The following GDPD5 variants were observed in gnomAD, a reference collection of about 807,000 sequenced individuals.
The protein encoded by GDPD5 is glycerophosphodiester phosphodiesterase 2.
Under a neutral mutation model 75.1 loss-of-function variants are expected in GDPD5, and 48 were observed. That is an observed-to-expected ratio of 0.64 (90% CI 0.51 to 0.81). The LOEUF (loss-of-function observed/expected upper bound fraction) is 0.81, where lower values mean the gene tolerates loss of function less well. Among genes scored for constraint, GDPD5 ranks in the 40% least tolerant of loss-of-function variants. GDPD5 has a pLI of 0.00. For synonymous variants in GDPD5, 336 were observed against 339.0 expected (o/e 0.99, Z 0.10); for missense variants, 706 against 822.6 (o/e 0.86, Z 1.73).
Position 75,462,887 on chromosome 11 carries a change from C to G in GDPD5, c.120G>C (p.Trp40Cys). 6.2e-7 allele frequency: 1 copy of G among 1,613,326 alleles called. No homozygotes were observed. ...TGAGGAGCAGGAACCAGAGGCGCTC[C>G]CACTGGAAGAGCAGAGGAGGAGGGG... ...YQRSHDDTTP[W>C]ERLWFLLLTF... The change falls in exon 4 of 17, where the codon TGG becomes TGC. Residue 40 changes from tryptophan (W) to cysteine (C), a missense_variant and splice_region_variant. Transcript: ENST00000336898.
chr11:75,493,028 C>A (rs550438325), intron 1 of GDPD5, among the ~76,000 whole-genome samples: 81 of 152,212 alleles, frequency 5.3e-4, no homozygotes, highest in African/African-American at 1.9e-3. Flanking sequence ...CTGCACCTTG[C>A]AAATATAGGG....
chr11:75,513,823 AC>A (rs1950581387), intron 1 of GDPD5, among the ~76,000 whole-genome samples: 1 of 152,118 alleles, frequency 6.6e-6, no homozygotes, highest in Non-Finnish European at 1.5e-5. Flanking sequence ...AGACCAGGAG[AC>A]CACCTGGCTA....
At chr11:75,469,710 C>T (rs867702575) in intron 3 of GDPD5, among the ~76,000 whole-genome samples, 2 of 152,144 alleles carry the variant, frequency 1.3e-5, no homozygotes, top group Non-Finnish European at 2.9e-5. Flanking sequence ...GGTGATACTT[C>T]GATCTAAAGA....
At chr11:75,498,680 T>C (rs976928831) in intron 1 of GDPD5, among the ~76,000 whole-genome samples, 4 of 152,142 alleles carry the variant, frequency 2.6e-5, no homozygotes, top group Non-Finnish European at 5.9e-5. Flanking sequence ...CTCTAGAAGC[T>C]GACAGAGAAA....
chr11:75,437,204 G>T, intron 15 of GDPD5, 156 bp from the exon 16 acceptor site: 1 of 604,702 alleles, frequency 1.7e-6, no homozygotes, highest in Non-Finnish European at 2.9e-6. Flanking sequence ...AGAGGGCAGA[G>T]TTGGGGCTTG....
At chr11:75,450,378 G>T in intron 6 of GDPD5, 1 of 255,554 alleles carries the variant, frequency 3.9e-6, no homozygotes, top group Non-Finnish European at 7.6e-6. Context: ...TGGCACAGCA[G>T]AGGAGGAAAC....
At chr11:75,444,306 T>G in intron 10 of GDPD5, 107 bp downstream of exon 10, 2 of 794,894 alleles carry the variant, frequency 2.5e-6, no homozygotes, top group Admixed American at 3.6e-5. Flanking sequence ...GTCTTCCTCC[T>G]CCCATCTCAG....
chr11:75,499,973 T>C (rs1230147023), intron 1 of GDPD5, among the ~76,000 whole-genome samples: 1 of 152,094 alleles, frequency 6.6e-6, no homozygotes, highest in Non-Finnish European at 1.5e-5. Flanking sequence ...CACCCCAGGG[T>C]GGCTGCTACC....
chr11:75,448,774 AT>A, intron 9 of GDPD5: 1 of 1,212,046 alleles, frequency 8.3e-7, no homozygotes, highest in Non-Finnish European at 1.1e-6. Flanking sequence ...CAAAACTGAA[AT>A]CTTTTTAGCA....
At position 75,457,897 on chromosome 11, in the gene GDPD5, G is replaced by A. The variant is rs1051053068; in HGVS notation, c.222-111C>T. ...GACGACAGGCTGGGCTCAGTGACCA[G>A]GCTGTGCCCACCTAGCAATAAGGCT... is the stretch of plus-strand genomic sequence containing the variant. On this transcript the variant is annotated intron_variant, in intron 4 of 16. Coordinates refer to ENST00000336898, the MANE Select transcript of GDPD5 (RefSeq NM_030792.8). 6.6e-6 allele frequency: 5 copies of A among 758,788 alleles called. No homozygotes were observed. The African/African-American group carries it at 8.7e-5, about 13-fold the overall frequency. The allele number at this position is 758,788 out of a possible 1,614,324, so 47.0% of individuals were successfully genotyped here.
At chr11:75,519,654 T>C (rs757328824) in intron 1 of GDPD5, among the ~76,000 whole-genome samples, 4 of 152,168 alleles carry the variant, frequency 2.6e-5, no homozygotes, top group Admixed American at 2.0e-4. Flanking sequence ...CCATTTTACA[T>C]ATGGGGAAAC....
intron 1 of GDPD5, among the ~76,000 whole-genome samples, chr11:75,497,811 T>G (rs1044747764): frequency 6.6e-6 from 1 of 152,202 alleles, no homozygotes; most frequent in Admixed American, 6.5e-5. Flanking sequence ...AAGAGTAAGA[T>G]GCTCACTTAA....
At chr11:75,519,869 G>T (rs961016361) in intron 1 of GDPD5, among the ~76,000 whole-genome samples, 12 of 152,226 alleles carry the variant, frequency 7.9e-5, no homozygotes, top group African/African-American at 2.9e-4. Flanking sequence ...TTGGATGTGT[G>T]TGTGAGCAGC....
At chr11:75,479,378 A>G (rs1949853173) in intron 2 of GDPD5, 1 of 152,152 alleles carries the variant, frequency 6.6e-6, no homozygotes, top group Non-Finnish European at 1.5e-5. Context: ...GAGGCCCTGG[A>G]GACAATGTGA....
At position 75,441,760 on chromosome 11, in the gene GDPD5, A is replaced by C. The variant is rs749595794; in HGVS notation, c.1211T>G (p.Val404Gly). The C allele has an allele frequency of 1.9e-6, 3 of 1,610,744 alleles. No individual in the cohort carries two copies. The highest frequency in any genetic ancestry group is 8.5e-7 in the Non-Finnish European group (1 of 1,179,788). The change falls in exon 13 of 17, where the codon GTG (valine) becomes GGG (glycine). Residue 404 changes from valine (V) to glycine (G), a missense_variant. By Grantham distance (109) the Val-to-Gly change is moderately radical. Coordinates refer to ENST00000336898, the MANE Select transcript of GDPD5 (RefSeq NM_030792.8). ...TGATGTCTGTTGGAAGCCGGGAGCC[A>C]CCTTCCGCACCAGGGGCCTCTGCCT... ...PSRQRPLVRK[V>G]APGFQQTSGS...
chr11:75,498,662 G>A (rs1197299681), intron 1 of GDPD5, among the ~76,000 whole-genome samples: 1 of 152,196 alleles, frequency 6.6e-6, no homozygotes, highest in Non-Finnish European at 1.5e-5. Flanking sequence ...AGCTCTGTGG[G>A]ATTTTGCCTC....
intron 4 of GDPD5, 101 bp downstream of exon 4, chr11:75,462,685 G>C: frequency 1.1e-6 from 1 of 896,494 alleles, no homozygotes. Flanking sequence ...AGAGCTCAGA[G>C]GGCCAACCTG....
Position 75,448,979 on chromosome 11 carries a change from TG to T in GDPD5, c.711del (p.Met238CysfsTer78). 6.4e-7 allele frequency: 1 copy of T among 1,567,682 alleles called. No homozygotes were observed. The highest frequency in any genetic ancestry group is 2.4e-5 in the East Asian group (1 of 42,488). On this transcript the variant is annotated frameshift_variant, in exon 9 of 17. Coordinates refer to ENST00000336898, the MANE Select transcript of GDPD5 (RefSeq NM_030792.8). LOFTEE classifies it high-confidence loss of function. ...KPALIGHRGAPMLAPEHTLMS... is the reference protein window; with the variant it reads ...KPALIGHRGAXMLAPEHTLMS... ...TAGGACCCTGAGGTGGCACTCACCA[TG>T]GGGGCCCCGCGGTGGCCAATGAGAG...
At chr11:75,447,640 C>T (rs755580918) in intron 9 of GDPD5, among the ~76,000 whole-genome samples, 15 of 152,204 alleles carry the variant, frequency 9.9e-5, no homozygotes, top group Admixed American at 1.3e-4. Flanking sequence ...AAACCATCCT[C>T]GCTGGGGCCA....
Sources: gnomAD v4.1 joint callset for allele counts (sites outside exome capture counted in the v4.1 genomes callset) on GRCh38, gnomAD v4.1.1 for gene constraint, MANE v1.5 for transcripts, NCBI Gene and HGNC (gene_info 2026-07-23, HGNC 2026-07-21) for gene names.